Variants in POC1A observed in about 807,000 individuals in gnomAD.
POC1A encodes the protein POC1 centriolar protein A, also known as POC1 centriolar protein homolog A.
In POC1A, 34 loss-of-function variants were observed where a neutral mutation model predicts 47.8. The observed-to-expected ratio is 0.71, with a 90% CI of 0.54 to 0.95. The LOEUF is 0.95. POC1A is among the 40% of genes least tolerant of loss of function. The pLI, the probability that POC1A is intolerant of heterozygous loss-of-function variation, is 0.00. For synonymous variants in POC1A, 177 were observed against 207.6 expected, an observed-to-expected ratio of 0.85 and a Z score of 1.27; for missense variants, 466 against 528.3, an observed-to-expected ratio of 0.88 and a Z score of 1.16.
At chr3:52,109,631 G>A (rs886844933) in intron 9 of POC1A, among the ~76,000 whole-genome samples, 4 of 152,140 alleles carry the variant, frequency 2.6e-5, no homozygotes, top group Non-Finnish European at 4.4e-5. Context: ...GGAGGCAGAT[G>A]ACTTTGTCTA....
intron 10 of POC1A, among the ~76,000 whole-genome samples, chr3:52,086,843 C>T (rs1702472139): frequency 6.6e-6 from 1 of 152,266 alleles, no homozygotes; most frequent in African/African-American, 2.4e-5. Context: ...AAAGATTGTT[C>T]TCTATTCTTT....
At chr3:52,151,799 A>G (rs1698568440) in intron 1 of POC1A, among the ~76,000 whole-genome samples, 1 of 152,024 alleles carries the variant, frequency 6.6e-6, no homozygotes, top group African/African-American at 2.4e-5. Context: ...TGATCTACCG[A>G]TTCCACATAA....
intron 9 of POC1A, among the ~76,000 whole-genome samples, chr3:52,097,878 CT>C (rs1702875669): frequency 6.6e-6 from 1 of 152,234 alleles, no homozygotes; most frequent in Non-Finnish European, 1.5e-5. Context: ...TCTTCCAGTC[CT>C]CCAGGAATCA....
chr3:52,147,078 C>T lies in POC1A; in HGVS notation c.473G>A (p.Arg158Gln), dbSNP rs752465455. Reference protein sequence around the residue: ...VRCAKFSPDGRLIVSASDDKT... With the variant: ...VRCAKFSPDGQLIVSASDDKT... Reference sequence around the variant, plus strand: ...GTCATCACTGGCAGACACGATGAGCCGCCCGTCGGGGGAGAACCTGAACCG... The same window carrying T: ...GTCATCACTGGCAGACACGATGAGCTGCCCGTCGGGGGAGAACCTGAACCG... The change falls in exon 5 of 11, where the codon CGG becomes CAG. Residue 158 changes from arginine to glutamine, a missense_variant. Physicochemically the swap from Arg to Gln is conservative, Grantham distance 43 (BLOSUM62 1). Transcript: ENST00000296484. 12 of 1,614,034 alleles carry T rather than the reference C, an allele frequency of 7.4e-6. No individual in the cohort carries two copies. The highest frequency in any genetic ancestry group is 1.3e-5 in the African/African-American group (1 of 75,036).
At chr3:52,113,429 A>G (rs1446836311) in intron 9 of POC1A, among the ~76,000 whole-genome samples, 1 of 152,232 alleles carries the variant, frequency 6.6e-6, no homozygotes, top group Admixed American at 6.5e-5. Flanking sequence ...GGGGCTGGGC[A>G]CGGTGGCTCA....
chr3:52,134,228 TAA>T (rs945222366), intron 7 of POC1A, among the ~76,000 whole-genome samples: 12 of 151,642 alleles, frequency 7.9e-5, no homozygotes, highest in African/African-American at 2.9e-4. Flanking sequence ...ATGAAGGGGT[TAA>T]AAAAAAGAGA....
intron 6 of POC1A, among the ~76,000 whole-genome samples, chr3:52,140,924 C>T (rs900500909): frequency 5.9e-5 from 9 of 152,200 alleles, no homozygotes; most frequent in African/African-American, 1.2e-4. Flanking sequence ...ATGCCTTGAG[C>T]GCCAAATGTC....
intron 1 of POC1A, 80 bp downstream of exon 1, chr3:52,154,275 A>G: frequency 7.0e-7 from 1 of 1,424,598 alleles, no homozygotes; most frequent in Non-Finnish European, 9.6e-7. Flanking sequence ...CGCCCCTCGC[A>G]GCCATCGCTC....
rs772944175 is a variant in POC1A, at chr3:52,079,789, ATGGCCCATCTCCCAGAACTCCCTCTTGC to A, written c.1126-3832_1126-3805del. On this transcript the variant is annotated intron_variant, in intron 10 of 10. Transcript: ENST00000296484. This position sits in a 1 kb window ranked among gnomAD's most constrained non-coding sequence, Gnocchi z 4.6. ...AGCCTGGGCAAAGTGGCCAGGAAAGATGGCCCATCTCCCAGAACTCCCTCTTGCTGGGGTCCAACTCTTCCACAGTGCG... is the reference window on the plus strand; with the variant it reads ...AGCCTGGGCAAAGTGGCCAGGAAAGATGGGGTCCAACTCTTCCACAGTGCG... 1.3e-5 allele frequency among the ~76,000 whole-genome samples: 2 copies of A among 152,154 alleles called. No individual in the cohort carries two copies. The highest frequency in any genetic ancestry group is 2.9e-5 in the Non-Finnish European group (2 of 68,018).
chr3:52,152,735 T>C (rs1185176041), intron 1 of POC1A, among the ~76,000 whole-genome samples: 1 of 152,212 alleles, frequency 6.6e-6, no homozygotes, highest in African/African-American at 2.4e-5. Context: ...TTTTCCTTAA[T>C]AGCCAACAAG....
At chr3:52,110,723 A>C (rs1703350967) in intron 9 of POC1A, among the ~76,000 whole-genome samples, 1 of 152,140 alleles carries the variant, frequency 6.6e-6, no homozygotes, top group Admixed American at 6.5e-5. Flanking sequence ...TGTGAAGCAA[A>C]AGGTCCTTCA....
chr3:52,141,352 G>C (rs1698187171), intron 6 of POC1A, among the ~76,000 whole-genome samples: 3 of 152,210 alleles, frequency 2.0e-5, no homozygotes. Context: ...CTCTCTAGAG[G>C]AGACCATGCC....
intron 9 of POC1A, among the ~76,000 whole-genome samples, chr3:52,105,711 C>T (rs546058500): frequency 7.4e-4 from 113 of 152,314 alleles, no homozygotes; most frequent in African/African-American, 2.7e-3. Context: ...TAGTCCTGAA[C>T]CCAAGAGAAA....
rs1225780742 is a variant in POC1A, at chr3:52,079,685, T to C, written c.1126-3700A>G. ...CTGCTTTGCCTGACACAAGCGTCCA[T>C]GGCTTCTGGCTTTGGGGCAGGGTAA... On this transcript the variant is annotated intron_variant, in intron 10 of 10. Coordinates refer to ENST00000296484, the MANE Select transcript of POC1A (RefSeq NM_015426.5). The surrounding 1 kb of genome is among the most constrained non-coding windows in gnomAD (Gnocchi z 4.6). Among the ~76,000 whole-genome samples the C allele has an allele frequency of 6.6e-6, 1 of 152,152 alleles. No individual in the cohort carries two copies. The highest frequency in any genetic ancestry group is 1.5e-5 in the Non-Finnish European group (1 of 68,010).
rs548164112 is a variant in POC1A at position 52,087,970 on chromosome 3, A to G, written c.1125+8599T>C. On this transcript the variant is annotated intron_variant, in intron 10 of 10. Coordinates refer to ENST00000296484, the MANE Select transcript of POC1A (RefSeq NM_015426.5). ...TTTGCTGGACTCTGACTCCAGGGTG[A>G]GTCCAAACAGGGCTGAGCATGGGGT... Among the ~76,000 whole-genome samples, 3 of 152,354 alleles carry G rather than the reference A, an allele frequency of 2.0e-5. No individual in the cohort carries two copies. In the South Asian group the frequency reaches 6.2e-4, roughly 32 times the overall value.
intron 1 of POC1A, among the ~76,000 whole-genome samples, chr3:52,153,543 T>C (rs1488781483): frequency 2.0e-5 from 3 of 152,222 alleles, no homozygotes; most frequent in Non-Finnish European, 2.9e-5. Context: ...CCTAAGCTTC[T>C]TGAAAGAACA....
At chr3:52,088,213 G>A (rs927483884) in intron 10 of POC1A, among the ~76,000 whole-genome samples, 3 of 152,180 alleles carry the variant, frequency 2.0e-5, no homozygotes, top group African/African-American at 7.2e-5. Flanking sequence ...ACCTCCGGGA[G>A]GAAGAAGGGC....
intron 4 of POC1A, among the ~76,000 whole-genome samples, chr3:52,147,587 C>T (rs1356303557): frequency 1.3e-5 from 2 of 151,858 alleles, no homozygotes; most frequent in Non-Finnish European, 2.9e-5. Context: ...GCGTGCACCA[C>T]CACACCCAGC....
intron 1 of POC1A, among the ~76,000 whole-genome samples, chr3:52,152,767 T>C (rs944783796): frequency 1.3e-5 from 2 of 152,066 alleles, no homozygotes; most frequent in Non-Finnish European, 2.9e-5. Flanking sequence ...AAATGATCCA[T>C]CAACACATGA....
Sources: allele counts gnomAD v4.1 joint callset (sites outside exome capture counted in the v4.1 genomes callset), GRCh38; gene constraint gnomAD v4.1.1; non-coding constraint Gnocchi (gnomAD v3.1); transcripts MANE v1.5; gene names NCBI Gene and HGNC (gene_info 2026-07-23, HGNC 2026-07-21).